GUCY2F: variants seen among roughly 807,000 people sequenced by gnomAD.
The protein encoded by GUCY2F is retinal guanylyl cyclase 2.
Under a neutral mutation model 73.1 loss-of-function variants are expected in GUCY2F, and 61 were observed. The observed-to-expected ratio is 0.83, with a 90% confidence interval of 0.68 to 1.03. The LOEUF is 1.03. GUCY2F is among the 50% of genes least tolerant of loss of function. The pLI, the probability that GUCY2F is intolerant of heterozygous loss-of-function variation, is 0.00. For missense variants in GUCY2F, 912 were observed against 854.3 expected, an observed-to-expected ratio of 1.07 and a Z score of -0.84; for synonymous variants, 331 against 307.8, an observed-to-expected ratio of 1.08 and a Z score of -0.79.
At chrX:109,373,385 C>A (rs113460012) in intron 19 of GUCY2F, among the ~76,000 whole-genome samples, 63 of 111,540 alleles carry the variant, frequency 5.6e-4, no homozygotes, top group African/African-American at 2.0e-3. Flanking sequence ...GCTGATTTAA[C>A]CCACATGGAG....
In GUCY2F at chrX:109,375,898, C is replaced by T. The variant is rs1930166070; in HGVS notation, c.*1G>A. 1 of 1,196,751 alleles carries T rather than the reference C, an allele frequency of 8.4e-7. No homozygotes were observed. The highest frequency in any genetic ancestry group is 1.7e-5 in the African/African-American group (1 of 57,249). ...GCTCTGTTTTCCTCCTGGCCATTAC[C>T]TTATGGCTTGTTTCTCACCAACTGC... On this transcript the variant is annotated splice_region_variant and 3_prime_UTR_variant, in exon 19 of 20. Coordinates refer to ENST00000218006, the MANE Select transcript of GUCY2F (RefSeq NM_001522.3).
At chrX:109,471,802 T>C (rs1449886107) in intron 2 of GUCY2F, among the ~76,000 whole-genome samples, 1 of 112,149 alleles carries the variant, frequency 8.9e-6, no homozygotes, top group Non-Finnish European at 1.9e-5. Context: ...ACTGTGAGAC[T>C]CACAGGTATT....
chrX:109,471,174 A>G (rs764821107), intron 2 of GUCY2F, among the ~76,000 whole-genome samples: 55 of 112,170 alleles, frequency 4.9e-4, no homozygotes, highest in Non-Finnish European at 8.8e-4. Flanking sequence ...ATGGTGTCAT[A>G]TTTACTTAAC....
At chrX:109,373,156 T>C (rs1451120942) in intron 19 of GUCY2F, among the ~76,000 whole-genome samples, 157 bp from the exon 20 acceptor site, 3 of 112,797 alleles carry the variant, frequency 2.7e-5, no homozygotes, top group African/African-American at 9.7e-5. Flanking sequence ...CAAATAAACA[T>C]TATTACATGT....
chrX:109,451,474 G>T (rs1480490447), intron 5 of GUCY2F, among the ~76,000 whole-genome samples: 1 of 111,465 alleles, frequency 9.0e-6, no homozygotes, highest in Non-Finnish European at 1.9e-5. Context: ...TCTGGGAAGG[G>T]GTTGAGATTT....
chrX:109,420,281 G>A (rs1931339192), intron 8 of GUCY2F, among the ~76,000 whole-genome samples: 1 of 97,678 alleles, frequency 1.0e-5, no homozygotes, highest in African/African-American at 3.7e-5. Flanking sequence ...GAGGGAGGGG[G>A]AAAGAGAGAG....
At chrX:109,476,098 CAAAAA>C (rs35170259) in intron 1 of GUCY2F, 77 bp from the exon 2 acceptor site, 5 of 285,257 alleles carry the variant, frequency 1.8e-5, no homozygotes, top group Admixed American at 6.7e-5. Flanking sequence ...GAAAGAATGG[CAAAAA>C]AAAAAAAAAA....
intron 6 of GUCY2F, 73 bp from the exon 7 acceptor site, chrX:109,441,555 C>T: frequency 1.4e-6 from 1 of 726,449 alleles, no homozygotes; most frequent in Non-Finnish European, 2.0e-6. Flanking sequence ...TCTGAATTTT[C>T]TTTTTTATTC....
At chrX:109,423,883 G>C (rs774843898) in intron 8 of GUCY2F, among the ~76,000 whole-genome samples, 16 of 109,544 alleles carry the variant, frequency 1.5e-4, no homozygotes, top group Non-Finnish European at 3.0e-4. Context: ...GTAGAAGGAA[G>C]GAAAAATAAG....
chrX:109,450,344 C>T (rs1213676792), intron 5 of GUCY2F, among the ~76,000 whole-genome samples: 1 of 111,078 alleles, frequency 9.0e-6, no homozygotes, highest in Admixed American at 9.6e-5. Context: ...GCAGACTAGG[C>T]TCACTCAAAG....
chrX:109,450,834 C>A (rs1392041435), intron 5 of GUCY2F, among the ~76,000 whole-genome samples: 2 of 111,905 alleles, frequency 1.8e-5, no homozygotes, highest in Non-Finnish European at 3.8e-5. Context: ...TGGTTTCAAT[C>A]CAGGATTTCC....
intron 16 of GUCY2F, 30 bp downstream of exon 16, chrX:109,385,154 A>T (rs771545138): frequency 2.6e-6 from 2 of 770,686 alleles, no homozygotes; most frequent in South Asian, 4.6e-5. Context: ...GAGTGGTGCC[A>T]TCCTATCCAT....
intron 10 of GUCY2F, among the ~76,000 whole-genome samples, chrX:109,400,162 T>C (rs766027429): frequency 1.7e-4 from 18 of 106,470 alleles, no homozygotes; most frequent in South Asian, 4.3e-4. Flanking sequence ...ATCAGGGAGA[T>C]CAGCTAGGAA....
rs769305863 is a variant in GUCY2F at position 109,453,844 on chromosome X, CA to C, written c.1047del (p.Phe349LeufsTer15). 20 of 1,156,014 alleles carry C rather than the reference CA, an allele frequency of 1.7e-5. No individual in the cohort carries two copies. In the Admixed American group the frequency reaches 4.7e-4, roughly 27 times the overall value. On this transcript the variant is annotated frameshift_variant, in exon 4 of 20. Coordinates refer to ENST00000218006, the MANE Select transcript of GUCY2F (RefSeq NM_001522.3). LOFTEE classifies it high-confidence loss of function. ...KLEFDQVSPLFGTIYNSIYFI... is the reference protein window; with the variant it reads ...KLEFDQVSPLXGTIYNSIYFI... Reference sequence around the variant, plus strand: ...AAGTAAATTGAATTGTAGATGGTTCCAAACAACGGTGAAACCTATTTTTAAA... The same window carrying C: ...AAGTAAATTGAATTGTAGATGGTTCCAACAACGGTGAAACCTATTTTTAAA...
chrX:109,414,119 G>A (rs1306664572), intron 8 of GUCY2F, among the ~76,000 whole-genome samples: 1 of 109,859 alleles, frequency 9.1e-6, no homozygotes, highest in Non-Finnish European at 1.9e-5. Context: ...TTACTGATGC[G>A]TGCCACCATG....
At chrX:109,375,104 T>C (rs1930144912) in intron 19 of GUCY2F, among the ~76,000 whole-genome samples, 2 of 108,553 alleles carry the variant, frequency 1.8e-5, no homozygotes, top group South Asian at 8.2e-4. Context: ...TTTCCAAGGA[T>C]ATGTGGAGGG....
intron 8 of GUCY2F, among the ~76,000 whole-genome samples, chrX:109,415,132 C>G (rs754236746): frequency 9.1e-6 from 1 of 110,104 alleles, no homozygotes; most frequent in Non-Finnish European, 1.9e-5. Context: ...CATGTAGGTG[C>G]AAAAAAAGAA....
At chrX:109,467,576 G>A (rs1260497598) in intron 2 of GUCY2F, among the ~76,000 whole-genome samples, 1 of 112,802 alleles carries the variant, frequency 8.9e-6, no homozygotes, top group African/African-American at 3.2e-5. Context: ...AGGTGCTATG[G>A]TGATGTGCCA....
chrX:109,377,079 T>C (rs147046341), intron 17 of GUCY2F, among the ~76,000 whole-genome samples: 1 of 112,346 alleles, frequency 8.9e-6, no homozygotes, highest in East Asian at 2.8e-4. Flanking sequence ...TTTACCCCTT[T>C]AAATATCAAG....
Sources: allele counts gnomAD v4.1 joint callset (sites outside exome capture counted in the v4.1 genomes callset), GRCh38; gene constraint gnomAD v4.1.1; transcripts MANE v1.5; gene names NCBI Gene and HGNC (gene_info 2026-07-23, HGNC 2026-07-21).